The following DEAF1 variants were observed in gnomAD, a reference collection of about 807,000 sequenced individuals.
DEAF1 encodes DEAF1 transcription factor.
In DEAF1, 53 loss-of-function variants were observed where a neutral mutation model predicts 58.9. The observed-to-expected ratio is 0.90, with a 90% CI of 0.72 to 1.13. The LOEUF (loss-of-function observed/expected upper bound fraction) is 1.13, where lower values mean the gene tolerates loss of function less well. Ranked by LOEUF, DEAF1 falls within the 50% of genes most tolerant of loss-of-function variation. The pLI is 0.00. For synonymous variants in DEAF1, 385 were observed against 340.4 expected, an observed-to-expected ratio of 1.13 and a Z score of -1.44; for missense variants, 685 against 791.4, an observed-to-expected ratio of 0.87 and a Z score of 1.61.
chr11:703,134 C>T (rs145834998), intron 1 of DEAF1: 17 of 1,608,102 alleles, frequency 1.1e-5, no homozygotes, highest in South Asian at 8.8e-5. Flanking sequence ...GTTGCCATCG[C>T]GGCCTTCACC....
chr11:660,881 G>A (rs1373454656), intron 10 of DEAF1, among the ~76,000 whole-genome samples: 5 of 139,268 alleles, frequency 3.6e-5, no homozygotes, highest in African/African-American at 1.6e-4. Context: ...TGAGGCACCC[G>A]CGGCCTTACG....
chr11:702,863 A>T, intron 1 of DEAF1: 1 of 1,381,156 alleles, frequency 7.2e-7, no homozygotes, highest in Non-Finnish European at 9.9e-7. Context: ...CTCTGGTCCC[A>T]GCAGCCCTCC....
At chr11:683,442 G>A (rs541861106) in intron 6 of DEAF1, among the ~76,000 whole-genome samples, 2 of 152,272 alleles carry the variant, frequency 1.3e-5, no homozygotes, top group African/African-American at 4.8e-5. Context: ...TGACACTCTA[G>A]TCTGACCCAG....
chr11:691,732 T>C, intron 1 of DEAF1, 134 bp from the exon 2 acceptor site: 1 of 734,608 alleles, frequency 1.4e-6, no homozygotes, highest in Non-Finnish European at 2.4e-6. Flanking sequence ...ATCTTAACAC[T>C]TCCATGAACA....
chr11:681,025 G>C lies in DEAF1; in HGVS notation c.935C>G (p.Thr312Ser), dbSNP rs377023815. 2.7e-5 allele frequency: 44 copies of C among 1,614,176 alleles called. No individual in the cohort carries two copies. The African/African-American group carries it at 5.3e-4, about 20-fold the overall frequency. The stretch of plus-strand genomic sequence containing the variant: ...CTTGGGGGAGTCCTTCTTCACGGGA[G>C]TTGTGGGCAGTTCATTCTCCTTCTT... ...RRKKENELPT[T>S]PVKKDSPKNI... Residue 312 changes from threonine (T) to serine (S), a missense_variant, in exon 7 of 12, where the codon ACT (threonine) becomes AGT (serine). Around this residue, in one of 3 missense-constraint regions of DEAF1, gnomAD observed 343 missense variants for 379.8 expected, o/e 0.90. Coordinates refer to ENST00000382409, the MANE Select transcript of DEAF1 (RefSeq NM_021008.4).
chr11:669,534 G>T (rs1296961097), intron 10 of DEAF1, among the ~76,000 whole-genome samples: 1 of 151,862 alleles, frequency 6.6e-6, no homozygotes, highest in Non-Finnish European at 1.5e-5. Flanking sequence ...TACTTGAGAG[G>T]CTGAAGCAGG....
chr11:699,053 C>A, upstream of DEAF1: 1 of 798,420 alleles, frequency 1.3e-6, no homozygotes. Flanking sequence ...GTAACTTCCT[C>A]GGATCAGTTC....
chr11:667,457 C>A (rs1185125993), intron 10 of DEAF1, among the ~76,000 whole-genome samples: 1 of 151,372 alleles, frequency 6.6e-6, no homozygotes, highest in Non-Finnish European at 1.5e-5. Context: ...GGAAGGAAGG[C>A]AGGTAGGCAG....
upstream of DEAF1, chr11:699,919 G>A: frequency 1.8e-6 from 1 of 549,258 alleles, no homozygotes; most frequent in Non-Finnish European, 3.3e-6. Context: ...CATTGTTGTG[G>A]CATGGAGGGG....
rs758219303 is a variant in DEAF1 at position 691,574 on chromosome 11, T to C, written c.314A>G (p.Asn105Ser). 50 of 1,613,654 alleles carry C rather than the reference T, an allele frequency of 3.1e-5. No homozygotes were observed. The highest frequency in any genetic ancestry group is 4.0e-5 in the African/African-American group (3 of 74,924). The change falls in exon 2 of 12, where the codon AAC (asparagine) becomes AGC (serine). Residue 105 changes from asparagine (N) to serine (S), a missense_variant. Physicochemically the swap from Asn to Ser is conservative, Grantham distance 46 (BLOSUM62 1). Transcript: ENST00000382409. ...GACATTGTCTGCAGCAGCCCCCACG[T>C]TGGCCACTGTCACTGTGGTCACCTC... ...FAEVTTVTVA[N>S]VGAAADNVFT...
chr11:706,166 G>A (rs549174484), intron 1 of DEAF1: 1 of 151,678 alleles, frequency 6.6e-6, no homozygotes, highest in East Asian at 1.9e-4. Context: ...GCCCCGCCCC[G>A]GCCCGGCCCC....
chr11:653,554 CTT>C (rs1858894817), intron 11 of DEAF1, among the ~76,000 whole-genome samples: 1 of 145,686 alleles, frequency 6.9e-6, no homozygotes, highest in African/African-American at 2.6e-5. Context: ...GACAGTCTCT[CTT>C]GCGTGGCTCT....
At chr11:692,821 C>A (rs1231130587) in intron 1 of DEAF1, among the ~76,000 whole-genome samples, 4 of 151,822 alleles carry the variant, frequency 2.6e-5, no homozygotes, top group African/African-American at 9.7e-5. Flanking sequence ...CCATTGCACT[C>A]CAGCCTGGGC....
chr11:699,840 T>C, upstream of DEAF1: 1 of 328,378 alleles, frequency 3.0e-6, no homozygotes, highest in Non-Finnish European at 5.6e-6. Flanking sequence ...GGGATGCCAG[T>C]GTGTGGAGGC....
At position 674,054 on chromosome 11, in the gene DEAF1, C is replaced by T. The variant is rs149637346; in HGVS notation, c.1503+482G>A. On this transcript the variant is annotated intron_variant, in intron 10 of 11. Transcript: ENST00000382409. Reference sequence around the variant, plus strand: ...CGCCCTGTGAGCCTCCCACCATGCACAGGAGCCGCCTTCTGAAGAACGTGC... The same window carrying T: ...CGCCCTGTGAGCCTCCCACCATGCATAGGAGCCGCCTTCTGAAGAACGTGC... The T allele has an allele frequency of 1.1e-3, 277 of 259,716 alleles. 1 individual carries two copies. Among genetic ancestry groups the T allele is most frequent in the Middle Eastern group, 6.1e-3 (4 of 658 alleles). The allele number at this position is 259,716 out of a possible 1,614,324, so 16.1% of individuals were successfully genotyped here.
At chr11:651,414 GAA>G (rs200274966) in intron 11 of DEAF1, 1,317 of 232,914 alleles carry the variant, frequency 5.7e-3, no homozygotes, top group South Asian at 9.9e-3. Context: ...ATCTCTGTAA[GAA>G]AAAAAAAAAA....
In DEAF1 at chr11:689,259, G is replaced by A. The variant is rs183480251; in HGVS notation, c.388-799C>T. Reference sequence around the variant, plus strand: ...CTCGTTCTGTCACCCAGGCTGGAGTGCAGTGGCGCCATCTCGGCTCACTGC... The same window carrying A: ...CTCGTTCTGTCACCCAGGCTGGAGTACAGTGGCGCCATCTCGGCTCACTGC... On this transcript the variant is annotated intron_variant, in intron 2 of 11. Transcript: ENST00000382409. Among the ~76,000 whole-genome samples the A allele has an allele frequency of 5.8e-3, 798 of 137,498 alleles. 5 individuals carry two copies. The highest frequency in any genetic ancestry group is 0.021 in the African/African-American group (759 of 36,170). The allele number at this position is 137,498 out of a possible 152,430, so 90.2% of individuals were successfully genotyped here.
At chr11:686,158 G>A (rs1860585045) in intron 5 of DEAF1, among the ~76,000 whole-genome samples, 1 of 150,876 alleles carries the variant, frequency 6.6e-6, no homozygotes, top group Admixed American at 6.6e-5. Context: ...CAGGTGTGGT[G>A]GCGGGCACCT....
chr11:678,768 T>A lies in DEAF1; in HGVS notation c.1181A>T (p.Tyr394Phe). 6.2e-7 allele frequency: 1 copy of A among 1,614,118 alleles called. No individual in the cohort carries two copies. Among genetic ancestry groups the A allele is most frequent in the Non-Finnish European group, 8.5e-7 (1 of 1,180,000 alleles). ...CTGGCAGCTGTCCTGATAGCCGGGGTAGTGAGGCTCAGGGTGGCTGGCCCT... is the reference window on the plus strand; with the variant it reads ...CTGGCAGCTGTCCTGATAGCCGGGGAAGTGAGGCTCAGGGTGGCTGGCCCT... ...PCRASHPEPH[Y>F]PGYQDSCQIA... is the part of the protein sequence containing the mutation. The change falls in exon 9 of 12, where the codon TAC becomes TTC. Residue 394 changes from tyrosine (Y) to phenylalanine (F), a missense_variant. Transcript: ENST00000382409.
Sources: gnomAD v4.1 joint callset for allele counts (sites outside exome capture counted in the v4.1 genomes callset) on GRCh38, gnomAD v4.1.1 for gene constraint, gnomAD v4.1.1 regional missense constraint, MANE v1.5 for transcripts, NCBI Gene and HGNC (gene_info 2026-07-23, HGNC 2026-07-21) for gene names.